The following CSMD1 variants were observed in gnomAD, a reference collection of about 807,000 sequenced individuals.
CSMD1 encodes CUB and Sushi multiple domains 1.
CSMD1 carries 213 observed loss-of-function variants against 417.5 expected under a neutral mutation model. That is an observed-to-expected ratio of 0.51 (90% CI 0.46 to 0.57). CSMD1 has a LOEUF of 0.57. Ranked by LOEUF, CSMD1 falls within the 20% of genes least tolerant of loss-of-function variation. The pLI, the probability that CSMD1 is intolerant of heterozygous loss-of-function variation, is 0.00. For missense variants in CSMD1, 6,923 were observed against 4,529.7 expected (o/e 1.53, Z -15.17); for synonymous variants, 2,862 against 1,736.8 (o/e 1.65, Z -16.11).
chr8:3,443,027 T>C (rs1815089835), intron 12 of CSMD1, among the ~76,000 whole-genome samples: 1 of 152,222 alleles, frequency 6.6e-6, no homozygotes, highest in African/African-American at 2.4e-5. Context: ...CTGTTTAAAA[T>C]GATAATTACA....
chr8:4,139,767 T>G (rs13259316), intron 3 of CSMD1, among the ~76,000 whole-genome samples: 45,359 of 150,820 alleles, frequency 0.3, 8,469 homozygotes, highest in Non-Finnish European at 0.39. Context: ...GCACAATCAC[T>G]TAGATGTTTG....
chr8:3,260,691 A>C (rs142460327), intron 26 of CSMD1, among the ~76,000 whole-genome samples: 1 of 152,120 alleles, frequency 6.6e-6, no homozygotes, highest in African/African-American at 2.4e-5. Flanking sequence ...GTTCTTGAGT[A>C]TTACACAAAA....
chr8:3,088,465 C>T (rs1456571454), intron 48 of CSMD1, among the ~76,000 whole-genome samples: 1 of 152,184 alleles, frequency 6.6e-6, no homozygotes, highest in Non-Finnish European at 1.5e-5. Flanking sequence ...CTTAACATTG[C>T]TCCTTTCCTT....
chr8:4,145,400 G>T (rs749153432), intron 3 of CSMD1, among the ~76,000 whole-genome samples: 1 of 150,930 alleles, frequency 6.6e-6, no homozygotes, highest in Non-Finnish European at 1.5e-5. Flanking sequence ...TCTTCTTTGG[G>T]CAATTGTGAC....
chr8:3,430,576 G>C (rs1162506962), intron 12 of CSMD1, among the ~76,000 whole-genome samples: 1 of 152,164 alleles, frequency 6.6e-6, no homozygotes, highest in Admixed American at 6.5e-5. Context: ...GGAAGCTGAA[G>C]CGGGTGGATC....
At chr8:3,045,400 A>G (rs1029096764) in intron 50 of CSMD1, among the ~76,000 whole-genome samples, 5 of 152,198 alleles carry the variant, frequency 3.3e-5, no homozygotes, top group Non-Finnish European at 7.3e-5. Context: ...AACAAAAAAA[A>G]ATAGGTATAA....
chr8:3,694,894 G>A (rs1370926097), intron 7 of CSMD1, among the ~76,000 whole-genome samples: 2 of 152,098 alleles, frequency 1.3e-5, no homozygotes, highest in East Asian at 3.9e-4. Context: ...TTCATTCTGG[G>A]TGTGAGGGGA....
At chr8:3,273,779 T>C (rs1802058254) in intron 26 of CSMD1, among the ~76,000 whole-genome samples, 1 of 139,718 alleles carries the variant, frequency 7.2e-6, no homozygotes, top group Admixed American at 7.2e-5. Context: ...GGTGGTGATA[T>C]CCCCTTTATC....
rs909858782 is a variant in CSMD1 at position 4,668,969 on chromosome 8, T to C, written c.86-31411A>G. On this transcript the variant is annotated intron_variant, in intron 1 of 69. Coordinates refer to ENST00000635120, the MANE Select transcript of CSMD1 (RefSeq NM_033225.6). ...ATTTCTGAACTAGTGTTAGCTTTAT[T>C]TCTAATTTGGTTTCTTAGGTGTCTA... 2.6e-5 allele frequency among the ~76,000 whole-genome samples: 4 copies of C among 152,200 alleles called. 1 individual carries two copies. The highest frequency in any genetic ancestry group is 9.6e-5 in the African/African-American group (4 of 41,456).
chr8:4,125,725 G>C (rs1802725630), intron 3 of CSMD1, among the ~76,000 whole-genome samples: 1 of 152,116 alleles, frequency 6.6e-6, no homozygotes, highest in South Asian at 2.1e-4. Context: ...AAGGAATTCA[G>C]TTCACAGTTT....
At chr8:3,449,782 T>A (rs1014667770) in intron 12 of CSMD1, among the ~76,000 whole-genome samples, 1 of 152,226 alleles carries the variant, frequency 6.6e-6, no homozygotes, top group Non-Finnish European at 1.5e-5. Flanking sequence ...CCTCCCAAAG[T>A]GCCAGCATTA....
chr8:4,449,788 A>T (rs1006882), intron 2 of CSMD1, among the ~76,000 whole-genome samples: 2 of 151,962 alleles, frequency 1.3e-5, no homozygotes, highest in East Asian at 3.9e-4. Flanking sequence ...ATGTTTGGGC[A>T]TTTTTACATA....
At chr8:4,219,022 T>C (rs1020787329) in intron 3 of CSMD1, among the ~76,000 whole-genome samples, 2 of 152,202 alleles carry the variant, frequency 1.3e-5, no homozygotes, top group East Asian at 3.9e-4. Flanking sequence ...AGTCACACTT[T>C]GTGTCATTTC....
chr8:3,770,866 C>G (rs1798530209), intron 5 of CSMD1, among the ~76,000 whole-genome samples: 1 of 152,146 alleles, frequency 6.6e-6, no homozygotes, highest in Admixed American at 6.5e-5. Context: ...GGTCCTGTAG[C>G]TCATATTTTT....
At chr8:3,354,355 T>A (rs1808601960) in intron 21 of CSMD1, among the ~76,000 whole-genome samples, 1 of 152,168 alleles carries the variant, frequency 6.6e-6, no homozygotes, top group African/African-American at 2.4e-5. Context: ...GTGGGGCTTT[T>A]GAGGGCACTG....
intron 3 of CSMD1, among the ~76,000 whole-genome samples, chr8:4,114,692 G>A (rs148180032): frequency 6.6e-6 from 1 of 152,292 alleles, no homozygotes; most frequent in East Asian, 1.9e-4. Flanking sequence ...ATGGGAGGAG[G>A]TCAAAATTTC....
chr8:4,262,404 G>A (rs1803951045), intron 3 of CSMD1, among the ~76,000 whole-genome samples: 1 of 152,214 alleles, frequency 6.6e-6, no homozygotes, highest in Non-Finnish European at 1.5e-5. Context: ...AATAAAGGCA[G>A]GTTTGTGGTT....
chr8:4,430,022 T>A (rs942953221), intron 2 of CSMD1, among the ~76,000 whole-genome samples: 2 of 152,088 alleles, frequency 1.3e-5, no homozygotes, highest in African/African-American at 2.4e-5. Context: ...CCCACTGAAA[T>A]GAAATCGACT....
chr8:4,850,380 AT>A lies in CSMD1; in HGVS notation c.85+143951del, dbSNP rs1297960957. Among the ~76,000 whole-genome samples the A allele has an allele frequency of 6.0e-5, 5 of 82,768 alleles. No homozygotes were observed. In the East Asian group the frequency reaches 2.6e-3, roughly 44 times the overall value. The allele number at this position is 82,768 out of a possible 152,430, so 54.3% of individuals were successfully genotyped here. A position where few individuals can be genotyped will look rare whatever the true frequency, so the allele number is the denominator to read the frequency against. Reference sequence around the variant, plus strand: ...TTTTTATTTTGATGAAATCCAATTTATCTTTTTTTTTTTTTTTTTTTTTTTG... The same window carrying A: ...TTTTTATTTTGATGAAATCCAATTTACTTTTTTTTTTTTTTTTTTTTTTTG... On this transcript the variant is annotated intron_variant, in intron 1 of 69. Transcript: ENST00000635120.
Sources: gnomAD v4.1 joint callset for allele counts (sites outside exome capture counted in the v4.1 genomes callset) on GRCh38, gnomAD v4.1.1 for gene constraint, MANE v1.5 for transcripts, NCBI Gene and HGNC (gene_info 2026-07-23, HGNC 2026-07-21) for gene names.